The following ZNF808 variants were observed in gnomAD, a reference collection of about 807,000 sequenced individuals.
ZNF808 encodes the protein zinc finger protein 808.
ZNF808 carries 5 observed loss-of-function variants against 8.7 expected under a neutral mutation model. The ratio of observed to expected loss-of-function variants is 0.58; its 90% confidence interval spans 0.30 to 1.21. The LOEUF (loss-of-function observed/expected upper bound fraction) is 1.21. Among genes scored for constraint, ZNF808 ranks in the 50% most tolerant of loss-of-function variants. ZNF808 has a pLI of 0.07. For missense variants in ZNF808, 1,103 were observed against 1,098.4 expected (o/e 1.00, Z -0.06); for synonymous variants, 380 against 366.0 (o/e 1.04, Z -0.44).
rs368954380 is a variant in ZNF808, at chr19:52,555,128, A to C, written c.2212A>C (p.Ser738Arg). 6.2e-7 allele frequency: 1 copy of C among 1,614,148 alleles called. No homozygotes were observed. The highest frequency in any genetic ancestry group is 8.5e-7 in the Non-Finnish European group (1 of 1,180,004). ...TAGTGGTGAGAAACCTTACAAGTGT[A>C]GTGAGTGCAGCAAGACGTTCAGTCA... ...IHSGEKPYKC[S>R]ECSKTFSQKA... Residue 738 changes from serine (S) to arginine (R), a missense_variant, in exon 5 of 5, where the codon AGT becomes CGT. Coordinates refer to ENST00000359798, the MANE Select transcript of ZNF808 (RefSeq NM_001039886.4).
At chr19:52,546,895 G>A (rs1050114683) in intron 3 of ZNF808, among the ~76,000 whole-genome samples, 1 of 149,126 alleles carries the variant, frequency 6.7e-6, no homozygotes, top group African/African-American at 2.5e-5. Context: ...ACCTGCCTTG[G>A]TCTCCCAAAA....
downstream of ZNF808, among the ~76,000 whole-genome samples, chr19:52,559,522 C>G (rs2059849759): frequency 6.6e-6 from 1 of 151,952 alleles, no homozygotes; most frequent in African/African-American, 2.4e-5. Flanking sequence ...GGCGCGGGTC[C>G]TCTGTATGCT....
At chr19:52,558,496 C>T (rs796785041), downstream of ZNF808, among the ~76,000 whole-genome samples, 55 of 152,056 alleles carry the variant, frequency 3.6e-4, no homozygotes, top group African/African-American at 1.2e-3. Flanking sequence ...CTCAGCCTCC[C>T]GAGTAGCTGG....
At chr19:52,539,432 C>T (rs1424251893) in intron 2 of ZNF808, among the ~76,000 whole-genome samples, 4 of 151,770 alleles carry the variant, frequency 2.6e-5, no homozygotes, top group Non-Finnish European at 4.4e-5. Context: ...CCTTGTGATC[C>T]ACCGCCTTGG....
chr19:52,533,997 C>T lies in ZNF808; in HGVS notation c.-20+988C>T, dbSNP rs559880556. Among the ~76,000 whole-genome samples, 4 of 152,172 alleles carry T rather than the reference C, an allele frequency of 2.6e-5. No homozygotes were observed. In the East Asian group the frequency reaches 7.7e-4, roughly 29 times the overall value. On this transcript the variant is annotated intron_variant, in intron 2 of 4. Transcript: ENST00000359798. ...CCTTGAGAGGAATGTGGTCATGCAACCAGAGTCTAGTGGAATGCAGGTGCA... is the reference window on the plus strand; with the variant it reads ...CCTTGAGAGGAATGTGGTCATGCAATCAGAGTCTAGTGGAATGCAGGTGCA...
At chr19:52,558,132 C>T (rs920221584), downstream of ZNF808, among the ~76,000 whole-genome samples, 2 of 142,836 alleles carry the variant, frequency 1.4e-5, no homozygotes, top group Admixed American at 7.4e-5. Flanking sequence ...GTTGCCCAGG[C>T]TGGAGTGCAG....
Position 52,555,128 on chromosome 19 carries a change from A to G in ZNF808, c.2212A>G (p.Ser738Gly), listed in dbSNP as rs368954380. ...IHSGEKPYKC[S>G]ECSKTFSQKA... ...TAGTGGTGAGAAACCTTACAAGTGTAGTGAGTGCAGCAAGACGTTCAGTCA... is the reference window on the plus strand; with the variant it reads ...TAGTGGTGAGAAACCTTACAAGTGTGGTGAGTGCAGCAAGACGTTCAGTCA... Residue 738 changes from serine (S) to glycine (G), a missense_variant, in exon 5 of 5, where the codon AGT (serine) becomes GGT (glycine). Physicochemically the swap from Ser to Gly is moderately conservative, Grantham distance 56. Coordinates refer to ENST00000359798, the MANE Select transcript of ZNF808 (RefSeq NM_001039886.4). The G allele has an allele frequency of 2.5e-6, 4 of 1,614,030 alleles. No homozygotes were observed. The African/African-American group carries it at 4.0e-5, about 16-fold the overall frequency.
intron 2 of ZNF808, among the ~76,000 whole-genome samples, chr19:52,537,267 T>C (rs942267932): frequency 6.7e-6 from 1 of 150,352 alleles, no homozygotes; most frequent in African/African-American, 2.5e-5. Context: ...AGGGGATAAA[T>C]AGCAGGAGAG....
Position 52,554,712 on chromosome 19 carries a change from C to T in ZNF808, c.1796C>T (p.Ala599Val). ...HTGEKPYKCE[A>V]CDKVFGQKSA... ...GGAGAGAAACCTTACAAATGTGAAG[C>T]ATGTGACAAAGTTTTTGGTCAGAAA... The change falls in exon 5 of 5, where the codon GCA becomes GTA. Residue 599 changes from alanine to valine, a missense_variant. Transcript: ENST00000359798. 6.2e-7 allele frequency: 1 copy of T among 1,613,286 alleles called. No individual in the cohort carries two copies. Among genetic ancestry groups the T allele is most frequent in the South Asian group, 1.1e-5 (1 of 91,034 alleles).
At chr19:52,558,044 T>TTTTTTTGG (rs1600048432), downstream of ZNF808, among the ~76,000 whole-genome samples, 2 of 138,510 alleles carry the variant, frequency 1.4e-5, no homozygotes, top group Non-Finnish European at 3.1e-5. Context: ...TTTTTTTTTT[T>TTTTTTTGG]GAGGGTAGGA....
chr19:52,553,554 T>C lies in ZNF808; in HGVS notation c.638T>C (p.Leu213Pro). The part of the protein sequence containing the change: ...HISNNYGNNP[L>P]NSSLLPQKQE... The stretch of plus-strand genomic sequence containing the variant: ...TCTAATAACTATGGGAATAATCCCC[T>C]GAATTCTTCATTACTCCCACAAAAA... The change falls in exon 5 of 5, where the codon CTG becomes CCG. Residue 213 changes from leucine (L) to proline (P), a missense_variant. By Grantham distance (98) the Leu-to-Pro change is moderately conservative. Transcript: ENST00000359798. The C allele has an allele frequency of 1.2e-6, 2 of 1,614,186 alleles. No homozygotes were observed. Among genetic ancestry groups the C allele is most frequent in the Non-Finnish European group, 1.7e-6 (2 of 1,180,026 alleles).
At position 52,547,421 on chromosome 19, in the gene ZNF808, A is replaced by G; in HGVS notation, c.64-91A>G. ...TTTGTCAGAACACAGTCTTTGATCAAATAAATACTTATTTTCCCTTTTCTC... is the reference window on the plus strand; with the variant it reads ...TTTGTCAGAACACAGTCTTTGATCAGATAAATACTTATTTTCCCTTTTCTC... On this transcript the variant is annotated intron_variant, in intron 3 of 4. Transcript: ENST00000359798. The G allele has an allele frequency of 2.5e-6, 4 of 1,598,880 alleles. No individual in the cohort carries two copies. The South Asian group carries it at 3.4e-5, about 14-fold the overall frequency.
downstream of ZNF808, among the ~76,000 whole-genome samples, chr19:52,561,158 T>TTCTCTCTCTC (rs1191860993): frequency 3.8e-5 from 2 of 52,704 alleles, no homozygotes; most frequent in African/African-American, 1.2e-4. Flanking sequence ...CTTCTATCTG[T>TTCTCTCTCTC]TCTCTCTCTC....
In ZNF808 at chr19:52,553,454, C is replaced by A; in HGVS notation, c.538C>A (p.Leu180Ile). Residue 180 changes from leucine (L) to isoleucine (I), a missense_variant, in exon 5 of 5, where the codon CTT becomes ATT. Physicochemically the swap from Leu to Ile is conservative, Grantham distance 5. Transcript: ENST00000359798. Reference protein sequence around the residue: ...FQIKGEIANQLEKSTSDASSV... With the variant: ...FQIKGEIANQIEKSTSDASSV... ...GATCAAAGGTGAAATTGCTAATCAA[C>A]TTGAGAAGTCTACCAGTGATGCTTC... 6.2e-7 allele frequency: 1 copy of A among 1,614,170 alleles called. No homozygotes were observed. The highest frequency in any genetic ancestry group is 8.5e-7 in the Non-Finnish European group (1 of 1,180,024).
Position 52,536,667 on chromosome 19 carries a change from G to A in ZNF808, c.-20+3658G>A, listed in dbSNP as rs570381450. Among the ~76,000 whole-genome samples the A allele has an allele frequency of 1.2e-4, 19 of 152,180 alleles. No individual in the cohort carries two copies. The South Asian group carries it at 1.9e-3, about 15-fold the overall frequency. The stretch of plus-strand genomic sequence containing the variant: ...CGGAAAATGCGCTTCTCCGCGATGC[G>A]GGTGTCTTACCCCAAACCCGCAGAG... On this transcript the variant is annotated intron_variant, in intron 2 of 4. Transcript: ENST00000359798.
In ZNF808 at chr19:52,553,646, T is replaced by A; in HGVS notation, c.730T>A (p.Ser244Thr). The A allele has an allele frequency of 6.2e-7, 1 of 1,614,184 alleles. No homozygotes were observed. ...NESGKAFNCS[S>T]LLRKHQIPHL... ...GAGTGGCAAAGCCTTTAATTGTAGC[T>A]CACTCTTAAGGAAACACCAGATACC... Residue 244 changes from serine (S) to threonine (T), a missense_variant, in exon 5 of 5, where the codon TCA becomes ACA. Physicochemically the swap from Ser to Thr is moderately conservative, Grantham distance 58. Transcript: ENST00000359798.
Position 52,553,698 on chromosome 19 carries a change from G to A in ZNF808, c.782G>A (p.Cys261Tyr), listed in dbSNP as rs2059801667. Residue 261 changes from cysteine (C) to tyrosine (Y), a missense_variant, in exon 5 of 5, where the codon TGT becomes TAT. Transcript: ENST00000359798. ...IPHLGDKQYKCDVCGKLFNHK... is the reference protein window; with the variant it reads ...IPHLGDKQYKYDVCGKLFNHK... ...CATTTAGGAGACAAACAATATAAAT[G>A]TGATGTATGTGGCAAGCTCTTTAAT... 1 of 1,613,992 alleles carries A rather than the reference G, an allele frequency of 6.2e-7. No homozygotes were observed. Among genetic ancestry groups the A allele is most frequent in the South Asian group, 1.1e-5 (1 of 91,084 alleles).
In ZNF808 at chr19:52,538,822, T is replaced by C. The variant is rs577608546; in HGVS notation, c.-19-4444T>C. Among the ~76,000 whole-genome samples, 343 of 152,242 alleles carry C rather than the reference T, an allele frequency of 2.3e-3. 4 individuals are homozygous for C. The highest frequency in any genetic ancestry group is 5.6e-3 in the Admixed American group (86 of 15,286). ...TGAGTGGTGAGTTGATTGGATGTGA[T>C]GATGAAGTGATGACATGTTGTTTTC... On this transcript the variant is annotated intron_variant, in intron 2 of 4. Transcript: ENST00000359798.
chr19:52,566,765 C>G (rs116080359), downstream of ZNF808, among the ~76,000 whole-genome samples: 395 of 152,162 alleles, frequency 2.6e-3, 1 homozygote, highest in African/African-American at 9.2e-3. Context: ...ACATACATTC[C>G]TTACTGCTCA....
Sources: gnomAD v4.1 joint callset for allele counts (sites outside exome capture counted in the v4.1 genomes callset) on GRCh38, gnomAD v4.1.1 for gene constraint, MANE v1.5 for transcripts, NCBI Gene and HGNC (gene_info 2026-07-23, HGNC 2026-07-21) for gene names.